The following ZC3H12D variants were observed in gnomAD, a reference collection of about 807,000 sequenced individuals.
The protein encoded by ZC3H12D is zinc finger CCCH-type containing 12D.
A neutral mutation model predicts 24.2 loss-of-function variants in ZC3H12D; 11 were observed. The observed-to-expected ratio is 0.46, with a 90% CI of 0.29 to 0.75. The LOEUF is 0.75. Among genes scored for constraint, ZC3H12D ranks in the 30% least tolerant of loss-of-function variants. The pLI is 0.11. For synonymous variants in ZC3H12D, 333 were observed against 341.8 expected, an observed-to-expected ratio of 0.97 and a Z score of 0.28; for missense variants, 740 against 767.7, an observed-to-expected ratio of 0.96 and a Z score of 0.43.
chr6:149,474,161 C>T, intron 2 of ZC3H12D, 78 bp downstream of exon 2: 1 of 1,301,980 alleles, frequency 7.7e-7, no homozygotes, highest in Non-Finnish European at 1.0e-6. Flanking sequence ...GACCAAACCA[C>T]AAGGAAGAGG....
At chr6:149,474,786 C>T (rs949031307) in intron 1 of ZC3H12D, among the ~76,000 whole-genome samples, 173 bp from the exon 2 acceptor site, 5 of 152,228 alleles carry the variant, frequency 3.3e-5, no homozygotes, top group African/African-American at 9.6e-5. Flanking sequence ...GAAGCAATCA[C>T]GCTGCTTTCA....
At chr6:149,466,259 A>G (rs977346865) in intron 2 of ZC3H12D, among the ~76,000 whole-genome samples, 3 of 151,800 alleles carry the variant, frequency 2.0e-5, no homozygotes, top group Non-Finnish European at 4.4e-5. Flanking sequence ...ATCAGGTCTC[A>G]AAGGCCCCAG....
At chr6:149,468,922 A>T (rs1436187764) in intron 2 of ZC3H12D, among the ~76,000 whole-genome samples, 5 of 152,122 alleles carry the variant, frequency 3.3e-5, no homozygotes, top group Non-Finnish European at 5.9e-5. Context: ...TCCAGCACAA[A>T]CCAGAGCCTG....
intron 2 of ZC3H12D, among the ~76,000 whole-genome samples, chr6:149,462,428 C>T (rs559433205): frequency 2.0e-5 from 3 of 151,716 alleles, no homozygotes; most frequent in South Asian, 2.1e-4. Context: ...AGAAAATCTA[C>T]ACTTTAAAGA....
chr6:149,453,514 G>T (rs912178837), intron 4 of ZC3H12D, among the ~76,000 whole-genome samples: 3 of 152,094 alleles, frequency 2.0e-5, no homozygotes, highest in Non-Finnish European at 4.4e-5. Context: ...TGTAGTCCCA[G>T]CTACTGGGGA....
chr6:149,458,174 C>A, intron 3 of ZC3H12D, among the ~76,000 whole-genome samples: 1 of 104,948 alleles, frequency 9.5e-6, no homozygotes, highest in African/African-American at 3.7e-5. Context: ...CTCACTGTGT[C>A]ACCCAGGCTG....
rs1458581220 is a variant in ZC3H12D, at chr6:149,451,174, G to T, written c.1093C>A (p.Pro365Thr). ...LGPLGPPLPVPACSLTPRLGG... is the reference protein window; with the variant it reads ...LGPLGPPLPVTACSLTPRLGG... ...AGTCGGGGCGTGAGGCTGCAGGCGG[G>T]GACCGGGAGAGGCGGCCCCAGGGGC... Residue 365 changes from proline (P) to threonine (T), a missense_variant, in exon 6 of 6, where the codon CCC becomes ACC. Coordinates refer to ENST00000409806, the MANE Select transcript of ZC3H12D (RefSeq NM_207360.3). The T allele has an allele frequency of 4.6e-6, 6 of 1,315,660 alleles. No homozygotes were observed. The East Asian group carries it at 1.9e-4, about 41-fold the overall frequency. The allele number at this position is 1,315,660 out of a possible 1,614,324, so 81.5% of individuals were successfully genotyped here. A position where few individuals can be genotyped will look rare whatever the true frequency, so the allele number is the denominator to read the frequency against.
chr6:149,465,859 C>CG (rs1466635896), intron 2 of ZC3H12D, among the ~76,000 whole-genome samples: 1 of 151,938 alleles, frequency 6.6e-6, no homozygotes, highest in Non-Finnish European at 1.5e-5. Context: ...GTCCTCACCC[C>CG]ACCCCCCAAT....
intron 1 of ZC3H12D, among the ~76,000 whole-genome samples, chr6:149,475,544 C>T (rs1317851839): frequency 3.3e-5 from 5 of 152,036 alleles, no homozygotes; most frequent in Admixed American, 6.5e-5. Flanking sequence ...GGTGAAACCC[C>T]GTCTCTACTA....
In ZC3H12D at chr6:149,450,812, G is replaced by C; in HGVS notation, c.1455C>G (p.Leu485=). The part of the protein sequence containing the change: ...GDARARARIA[L]YSVFPRDQVD... Reference sequence around the variant, plus strand: ...CCTGGTCACGCGGGAAGACGCTGTAGAGCGCGATGCGAGCCCGGGCGCGCG... The same window carrying C: ...CCTGGTCACGCGGGAAGACGCTGTACAGCGCGATGCGAGCCCGGGCGCGCG... The change falls in exon 6 of 6, where the codon CTC becomes CTG. Residue 485 remains leucine (L), a synonymous_variant. Transcript: ENST00000409806. 6.5e-7 allele frequency: 1 copy of C among 1,548,150 alleles called. No homozygotes were observed. Among genetic ancestry groups the C allele is most frequent in the Non-Finnish European group, 8.7e-7 (1 of 1,146,796 alleles).
At chr6:149,460,419 T>C (rs552683657) in intron 3 of ZC3H12D, among the ~76,000 whole-genome samples, 1 of 152,334 alleles carries the variant, frequency 6.6e-6, no homozygotes, top group Non-Finnish European at 1.5e-5. Context: ...GTTCTGACCG[T>C]GCCTGGTGGC....
chr6:149,466,530 A>G (rs938601040), intron 2 of ZC3H12D, among the ~76,000 whole-genome samples: 3 of 151,686 alleles, frequency 2.0e-5, no homozygotes, highest in African/African-American at 7.3e-5. Flanking sequence ...AATGTAGTCA[A>G]GTCCACCCTC....
At chr6:149,473,305 G>A (rs910966377) in intron 2 of ZC3H12D, among the ~76,000 whole-genome samples, 11 of 152,166 alleles carry the variant, frequency 7.2e-5, no homozygotes, top group African/African-American at 1.4e-4. Context: ...ATTCGGTGCC[G>A]CGGAGAATTG....
chr6:149,481,804 G>A (rs1362527970), intron 1 of ZC3H12D, among the ~76,000 whole-genome samples: 1 of 152,218 alleles, frequency 6.6e-6, no homozygotes, highest in Non-Finnish European at 1.5e-5. Context: ...TAGTAAAATG[G>A]CAGAGATGAT....
chr6:149,459,958 G>A (rs1431411799), intron 3 of ZC3H12D, among the ~76,000 whole-genome samples: 3 of 152,204 alleles, frequency 2.0e-5, no homozygotes, highest in East Asian at 1.9e-4. Context: ...TTCAGACCAC[G>A]TGTGTGACAG....
At chr6:149,475,524 T>A (rs900409448) in intron 1 of ZC3H12D, among the ~76,000 whole-genome samples, 2 of 152,138 alleles carry the variant, frequency 1.3e-5, no homozygotes, top group Admixed American at 1.3e-4. Flanking sequence ...GAGACCAGCC[T>A]GGCCAACATG....
Position 149,448,752 on chromosome 6 carries a change from G to A in ZC3H12D, c.*1931C>T, listed in dbSNP as rs1415292275. On this transcript the variant is annotated 3_prime_UTR_variant, in exon 6 of 6. Transcript: ENST00000409806. ...GTTTTAAAAGATCAAAGAAGTTTCA[G>A]AGAAAAACCTAACATCACTGTATGC... 1 of 152,250 alleles carries A rather than the reference G, an allele frequency of 6.6e-6. No individual in the cohort carries two copies. The highest frequency in any genetic ancestry group is 2.4e-5 in the African/African-American group (1 of 41,454). 9.4% of individuals were successfully genotyped at this position (152,250 alleles called of 1,614,324 possible).
intron 3 of ZC3H12D, among the ~76,000 whole-genome samples, chr6:149,458,228 A>C (rs409196): frequency 0.37 from 53,011 of 142,138 alleles, 10,139 homozygotes; most frequent in African/African-American, 0.47. Context: ...TTCTACCCTC[A>C]AGGCTCAGGT....
At chr6:149,483,276 T>C (rs1314911731) in intron 1 of ZC3H12D, 3 of 152,184 alleles carry the variant, frequency 2.0e-5, no homozygotes, top group Non-Finnish European at 2.9e-5. Flanking sequence ...GCCTGGCCTT[T>C]ATTTTTTTTT....
Sources: allele counts gnomAD v4.1 joint callset (sites outside exome capture counted in the v4.1 genomes callset), GRCh38; gene constraint gnomAD v4.1.1; transcripts MANE v1.5; gene names NCBI Gene and HGNC (gene_info 2026-07-23, HGNC 2026-07-21).